CAPRIN2: variants seen among roughly 807,000 people sequenced by gnomAD.
CAPRIN2 encodes the protein caprin-2.
Under a neutral mutation model 130.4 loss-of-function variants are expected in CAPRIN2, and 66 were observed. The ratio of observed to expected loss-of-function variants is 0.51; its 90% CI spans 0.42 to 0.62. CAPRIN2 has a LOEUF of 0.62. CAPRIN2 is among the 20% of genes least tolerant of loss of function. The probability of loss-of-function intolerance (pLI) is 0.00; values close to 1 mark genes in which losing one functional copy is unlikely to be tolerated. For missense variants in CAPRIN2, 1,185 were observed against 1,246.6 expected, an observed-to-expected ratio of 0.95 and a Z score of 0.74; for synonymous variants, 471 against 444.1, an observed-to-expected ratio of 1.06 and a Z score of -0.76.
At chr12:30,743,348 T>C (rs951789601) in intron 2 of CAPRIN2, among the ~76,000 whole-genome samples, 1 of 152,148 alleles carries the variant, frequency 6.6e-6, no homozygotes, top group African/African-American at 2.4e-5. Context: ...AATTCAAATG[T>C]GTTTTCAGTC....
chr12:30,730,619 G>T (rs1472884205), intron 6 of CAPRIN2, among the ~76,000 whole-genome samples: 1 of 151,886 alleles, frequency 6.6e-6, no homozygotes, highest in East Asian at 1.9e-4. Context: ...TGTCCCATGG[G>T]GTAAAAATTG....
chr12:30,731,954 C>G (rs2062827819), intron 5 of CAPRIN2, among the ~76,000 whole-genome samples: 1 of 151,914 alleles, frequency 6.6e-6, no homozygotes, highest in Non-Finnish European at 1.5e-5. Flanking sequence ...CTCTACCTTC[C>G]CCAAGTAATT....
exon 17 of CAPRIN2, chr12:30,709,580 A>G (rs1264648548): frequency 9.4e-6 from 2 of 212,720 alleles, no homozygotes; most frequent in South Asian, 1.2e-4. Flanking sequence ...TTGAGGCACA[A>G]CAAGGCATTG....
intron 15 of CAPRIN2, 117 bp from the exon 18 acceptor site, chr12:30,711,746 T>A (rs756299951): frequency 1.0e-4 from 83 of 811,516 alleles, no homozygotes; most frequent in Middle Eastern, 6.6e-4. Flanking sequence ...TACCTGGCCT[T>A]CCCCAGCAAC....
At chr12:30,742,673 C>A (rs1450576627) in intron 2 of CAPRIN2, among the ~76,000 whole-genome samples, 1 of 146,196 alleles carries the variant, frequency 6.8e-6, no homozygotes, top group African/African-American at 2.5e-5. Context: ...AAACACAACT[C>A]TAACAGGGCA....
At chr12:30,720,838 T>A in exon 12 of CAPRIN2, 1 of 1,612,702 alleles carries the variant, frequency 6.2e-7, no homozygotes, top group African/African-American at 1.3e-5. Context: ...TCATAAACTC[T>A]GTTTCAGATC....
In CAPRIN2 at chr12:30,710,424, G is replaced by C; in HGVS notation, c.2712C>G (p.Asn904Lys). 6.2e-7 allele frequency: 1 copy of C among 1,614,120 alleles called. No individual in the cohort carries two copies. Among genetic ancestry groups the C allele is most frequent in the Non-Finnish European group, 8.5e-7 (1 of 1,180,014 alleles). Residue 904 changes from asparagine (N) to lysine (K), a missense_variant, in exon 17 of 17, where the codon AAC becomes AAG. By Grantham distance (94) the Asn-to-Lys change is moderately conservative. Transcript: ENST00000298892. The surrounding 1 kb of genome is among the most constrained non-coding windows in gnomAD (Gnocchi z 4.8). The stretch of plus-strand genomic sequence containing the variant: ...CAGAGTCACCACTGTTAAAGGTTTC[G>C]TTGTCTCTTTCTGGGCTGCTCACCT...
At chr12:30,712,901 C>T (rs961638814) in intron 15 of CAPRIN2, among the ~76,000 whole-genome samples, 8 of 151,772 alleles carry the variant, frequency 5.3e-5, no homozygotes, top group African/African-American at 7.3e-5. Flanking sequence ...CCACCACGTC[C>T]GGCTAATTTT....
At chr12:30,720,782 A>G in intron 12 of CAPRIN2, 29 bp downstream of exon 13, 1 of 1,308,992 alleles carries the variant, frequency 7.6e-7, no homozygotes, top group Non-Finnish European at 1.1e-6. Flanking sequence ...TTTAAGATAC[A>G]AAAGAAATTA....
At chr12:30,728,187 T>C (rs994226888) in intron 8 of CAPRIN2, among the ~76,000 whole-genome samples, 3 of 152,076 alleles carry the variant, frequency 2.0e-5, no homozygotes, top group African/African-American at 7.2e-5. Flanking sequence ...TAACTCCCAG[T>C]TTTCAAGGGA....
At position 30,747,570 on chromosome 12, in the gene CAPRIN2, A is replaced by T. The variant is rs7958172; in HGVS notation, c.483+3501T>A. ...CACATGCCTGTGATCCTAGCTACTC[A>T]GGAGGCTGAGGCAGGAGAATCGCTT... On this transcript the variant is annotated intron_variant, in intron 2 of 16. Coordinates refer to ENST00000298892, the Ensembl canonical transcript of CAPRIN2. 6.8e-3 allele frequency among the ~76,000 whole-genome samples: 1,033 copies of T among 152,032 alleles called. 7 individuals carry two copies. The highest frequency in any genetic ancestry group is 0.024 in the African/African-American group (985 of 41,472).
intron 4 of CAPRIN2, 81 bp from the exon 6 acceptor site, chr12:30,733,792 C>A: frequency 3.4e-6 from 3 of 876,484 alleles, no homozygotes; most frequent in African/African-American, 1.7e-5. Flanking sequence ...GCAATATAAC[C>A]CATTAACAGA....
At chr12:30,713,109 G>A (rs1447198090) in intron 15 of CAPRIN2, among the ~76,000 whole-genome samples, 1 of 152,068 alleles carries the variant, frequency 6.6e-6, no homozygotes, top group Non-Finnish European at 1.5e-5. Flanking sequence ...AGTTCTTCAA[G>A]GATAGGTATT....
exon 1 of CAPRIN2, chr12:30,754,194 C>T (rs537493531): frequency 3.7e-4 from 59 of 160,632 alleles, no homozygotes; most frequent in Non-Finnish European, 5.7e-4. Context: ...CAGACAGGTA[C>T]TCTCTCAACC....
chr12:30,724,689 G>A (rs553505870), intron 9 of CAPRIN2, among the ~76,000 whole-genome samples: 157 of 152,118 alleles, frequency 1.0e-3, no homozygotes, highest in African/African-American at 3.6e-3. Context: ...GCTGTGTAGA[G>A]TGCTAAAACC....
chr12:30,751,390 ATAAC>A, intron 1 of CAPRIN2: 1 of 419,092 alleles, frequency 2.4e-6, no homozygotes, highest in Non-Finnish European at 4.5e-6. Context: ...GACTCTATTA[ATAAC>A]TAGACTACTT....
chr12:30,751,208 G>C (rs994195834), intron 1 of CAPRIN2, 75 bp from the exon 3 acceptor site: 171 of 1,186,770 alleles, frequency 1.4e-4, no homozygotes, highest in Non-Finnish European at 2.1e-4. Flanking sequence ...GCCAGATCTT[G>C]TCTCTAGGAA....
chr12:30,734,905 C>A, intron 4 of CAPRIN2, 63 bp downstream of exon 5: 1 of 1,034,796 alleles, frequency 9.7e-7, no homozygotes, highest in African/African-American at 1.6e-5. Context: ...CTCACATACA[C>A]ACACCCCTAA....
intron 5 of CAPRIN2, 47 bp downstream of exon 6, chr12:30,733,582 A>G (rs181704108): frequency 7.1e-6 from 9 of 1,272,092 alleles, no homozygotes; most frequent in Admixed American, 6.7e-5. Context: ...ACTTCTAGAC[A>G]TAAAGTTTAG....
Sources: allele counts gnomAD v4.1 joint callset (sites outside exome capture counted in the v4.1 genomes callset), GRCh38; gene constraint gnomAD v4.1.1; non-coding constraint Gnocchi (gnomAD v3.1); transcripts MANE v1.5; gene names NCBI Gene and HGNC (gene_info 2026-07-23, HGNC 2026-07-21).